Variants in ERBB4 observed in about 807,000 individuals in gnomAD.
ERBB4 encodes erb-b2 receptor tyrosine kinase 4.
In ERBB4, 42 loss-of-function variants were observed where a neutral mutation model predicts 158.0. The ratio of observed to expected loss-of-function variants is 0.27; its 90% confidence interval spans 0.21 to 0.34. The LOEUF (loss-of-function observed/expected upper bound fraction) is 0.34. ERBB4 is among the 10% of genes least tolerant of loss of function. ERBB4 has a pLI of 1.00. For synonymous variants in ERBB4, 583 were observed against 558.7 expected (o/e 1.04, Z -0.61); for missense variants, 1,333 against 1,624.1 (o/e 0.82, Z 3.08).
At chr2:212,093,854 A>G (rs1252200350) in intron 2 of ERBB4, among the ~76,000 whole-genome samples, 1 of 152,206 alleles carries the variant, frequency 6.6e-6, no homozygotes, top group African/African-American at 2.4e-5. Flanking sequence ...AGATATTTTA[A>G]TTCTCTGACA....
chr2:211,787,564 G>C (rs755756389), intron 4 of ERBB4, among the ~76,000 whole-genome samples: 6 of 152,078 alleles, frequency 3.9e-5, no homozygotes, highest in African/African-American at 9.7e-5. Flanking sequence ...GACCACGAAG[G>C]CTTCAGGGGC....
chr2:212,187,527 C>T (rs1289664440), intron 1 of ERBB4, among the ~76,000 whole-genome samples: 1 of 151,808 alleles, frequency 6.6e-6, no homozygotes, highest in African/African-American at 2.4e-5. Flanking sequence ...ATACTCCAAA[C>T]TATGGAATTG....
At chr2:211,535,517 T>C (rs2066620602) in intron 20 of ERBB4, 1 of 151,506 alleles carries the variant, frequency 6.6e-6, no homozygotes, top group Non-Finnish European at 1.5e-5. Context: ...ATCTCCGAAA[T>C]GGGAATAATG....
intron 1 of ERBB4, among the ~76,000 whole-genome samples, chr2:212,436,194 T>C (rs143593393): frequency 1.3e-5 from 2 of 152,030 alleles, no homozygotes; most frequent in Admixed American, 6.6e-5. Flanking sequence ...AAACAGGACA[T>C]GGTAAATAAA....
rs1029634628 is a variant in ERBB4 at position 212,009,916 on chromosome 2, C to G, written c.235-62300G>C. Among the ~76,000 whole-genome samples, 233 of 152,278 alleles carry G rather than the reference C, an allele frequency of 1.5e-3. 3 individuals are homozygous for G. Among genetic ancestry groups the G allele is most frequent in the Non-Finnish European group, 5.3e-4 (36 of 68,030 alleles). On this transcript the variant is annotated intron_variant, in intron 2 of 27. Transcript: ENST00000342788. ...ATCTCTTGTCTAAAGAAATACTCTC[C>G]TTCCTTGAGCCATATCTGTATTCTA...
rs751986048 is a variant in ERBB4, at chr2:212,346,387, C to T, written c.82+192062G>A. Among the ~76,000 whole-genome samples, 4 of 150,924 alleles carry T rather than the reference C, an allele frequency of 2.7e-5. No homozygotes were observed. In the East Asian group the frequency reaches 5.8e-4, roughly 22 times the overall value. On this transcript the variant is annotated intron_variant, in intron 1 of 27. Transcript: ENST00000342788. ...CTCTTAAAGCCAAATACATAATGTC[C>T]GGATTTTGTGTTTATGTGTATGTGT... is the stretch of plus-strand genomic sequence containing the variant.
intron 1 of ERBB4, among the ~76,000 whole-genome samples, chr2:212,181,628 T>C (rs1049490331): frequency 3.3e-5 from 5 of 151,818 alleles, no homozygotes; most frequent in East Asian, 1.9e-4. Flanking sequence ...GTAGCAGTTA[T>C]GCTTCATGAC....
At chr2:212,433,745 T>A (rs2092080350) in intron 1 of ERBB4, among the ~76,000 whole-genome samples, 1 of 151,972 alleles carries the variant, frequency 6.6e-6, no homozygotes, top group Non-Finnish European at 1.5e-5. Flanking sequence ...CTATCTTAAT[T>A]CTATAGTAAA....
intron 3 of ERBB4, among the ~76,000 whole-genome samples, chr2:211,853,301 T>C (rs1466563572): frequency 2.6e-5 from 4 of 152,002 alleles, no homozygotes; most frequent in South Asian, 2.1e-4. Flanking sequence ...GAGTGAGCAG[T>C]CTATGTTGCC....
At chr2:211,430,863 T>C (rs2063734428) in intron 21 of ERBB4, 82 bp downstream of exon 21, 6 of 1,164,592 alleles carry the variant, frequency 5.2e-6, no homozygotes, top group Non-Finnish European at 7.6e-6. Context: ...TCAGGCTTAT[T>C]GGTTTCTTGT....
At chr2:211,656,955 C>T (rs1327087184) in intron 16 of ERBB4, among the ~76,000 whole-genome samples, 2 of 152,028 alleles carry the variant, frequency 1.3e-5, no homozygotes, top group Non-Finnish European at 2.9e-5. Flanking sequence ...ATGAGTCTTA[C>T]GTTTTGTTTT....
chr2:212,185,391 G>T (rs985381745), intron 1 of ERBB4, among the ~76,000 whole-genome samples: 1 of 151,764 alleles, frequency 6.6e-6, no homozygotes, highest in Admixed American at 6.6e-5. Flanking sequence ...AGGCTCATCT[G>T]CTTGGAATCA....
intron 2 of ERBB4, among the ~76,000 whole-genome samples, chr2:212,121,659 G>A (rs923469941): frequency 1.3e-5 from 2 of 152,326 alleles, no homozygotes; most frequent in Middle Eastern, 3.4e-3. Flanking sequence ...CTCCAGTGGA[G>A]TATTCTATTT....
At chr2:212,353,413 A>T (rs1302666314) in intron 1 of ERBB4, among the ~76,000 whole-genome samples, 1 of 149,308 alleles carries the variant, frequency 6.7e-6, no homozygotes, top group East Asian at 1.9e-4. Context: ...TAAAATTTGT[A>T]TAAAATATTA....
chr2:212,348,745 C>T (rs190703535), intron 1 of ERBB4, among the ~76,000 whole-genome samples: 1 of 152,232 alleles, frequency 6.6e-6, no homozygotes, highest in Admixed American at 6.5e-5. Flanking sequence ...TGTGCACAGT[C>T]TGCCATTTCA....
intron 1 of ERBB4, among the ~76,000 whole-genome samples, chr2:212,212,407 T>C (rs2082964466): frequency 6.6e-6 from 1 of 151,564 alleles, no homozygotes; most frequent in Admixed American, 6.6e-5. Context: ...CTCAAAGAAA[T>C]AAGAAAGGAC....
intron 3 of ERBB4, among the ~76,000 whole-genome samples, chr2:211,835,415 G>A (rs79483387): frequency 0.047 from 6,738 of 142,368 alleles, 257 homozygotes; most frequent in Non-Finnish European, 0.07. Context: ...TATGTGTTCA[G>A]GAAAGGGTAA....
At chr2:211,455,245 A>G (rs2064351994) in intron 20 of ERBB4, among the ~76,000 whole-genome samples, 1 of 152,254 alleles carries the variant, frequency 6.6e-6, no homozygotes, top group African/African-American at 2.4e-5. Flanking sequence ...TGCATAATCT[A>G]CTAACTGCAA....
At chr2:212,007,258 G>GA (rs1250291925) in intron 2 of ERBB4, among the ~76,000 whole-genome samples, 1 of 151,458 alleles carries the variant, frequency 6.6e-6, no homozygotes. Flanking sequence ...GTTTGTAAAG[G>GA]AAAAAAAGTC....
Sources: gnomAD v4.1 joint callset for allele counts (sites outside exome capture counted in the v4.1 genomes callset) on GRCh38, gnomAD v4.1.1 for gene constraint, MANE v1.5 for transcripts, NCBI Gene and HGNC (gene_info 2026-07-23, HGNC 2026-07-21) for gene names.